The following ZFAND3 variants were observed in gnomAD, a reference collection of about 807,000 sequenced individuals.
ZFAND3 encodes zinc finger AN1-type containing 3, also known as AN1-type zinc finger protein 3.
A neutral mutation model predicts 29.6 loss-of-function variants in ZFAND3; 10 were observed. The observed-to-expected ratio is 0.34, with a 90% CI of 0.21 to 0.57. ZFAND3 has a LOEUF of 0.57. ZFAND3 is among the 20% of genes least tolerant of loss of function. The pLI, the probability that ZFAND3 is intolerant of heterozygous loss-of-function variation, is 0.86. For synonymous variants in ZFAND3, 128 were observed against 112.6 expected (o/e 1.14, Z -0.87); for missense variants, 230 against 304.5 (o/e 0.76, Z 1.82).
chr6:38,097,161 G>T (rs1764997587), intron 4 of ZFAND3, among the ~76,000 whole-genome samples: 1 of 151,844 alleles, frequency 6.6e-6, no homozygotes, highest in African/African-American at 2.4e-5. Flanking sequence ...CTGCAGCCTT[G>T]ACCTCCTGGG....
chr6:37,956,129 A>C (rs1762082702), intron 2 of ZFAND3, among the ~76,000 whole-genome samples: 1 of 152,198 alleles, frequency 6.6e-6, no homozygotes, highest in South Asian at 2.1e-4. Flanking sequence ...CGTTAAGATG[A>C]GGTCCTTGCA....
intron 2 of ZFAND3, among the ~76,000 whole-genome samples, chr6:37,932,358 A>G (rs1175989706): frequency 6.6e-6 from 1 of 152,230 alleles, no homozygotes; most frequent in East Asian, 1.9e-4. Context: ...CACTGATGAA[A>G]GGTTAACTTT....
intron 1 of ZFAND3, among the ~76,000 whole-genome samples, chr6:37,822,125 G>A (rs1381986410): frequency 6.6e-6 from 1 of 152,200 alleles, no homozygotes; most frequent in Non-Finnish European, 1.5e-5. Context: ...ATGAGCCACC[G>A]CGCCCGGCCA....
chr6:37,860,655 T>TG (rs1554149734), intron 1 of ZFAND3, among the ~76,000 whole-genome samples: 15,573 of 144,084 alleles, frequency 0.11, 1,103 homozygotes, highest in African/African-American at 0.25. Context: ...TTTTTTTTTT[T>TG]TTAAGTAGGT....
intron 5 of ZFAND3, among the ~76,000 whole-genome samples, chr6:38,128,761 T>C (rs1042428360): frequency 1.1e-4 from 16 of 152,334 alleles, no homozygotes; most frequent in Admixed American, 2.0e-4. Flanking sequence ...GCATTTGGGT[T>C]GGTTCTACGT....
At chr6:37,848,992 A>C (rs564969633) in intron 1 of ZFAND3, among the ~76,000 whole-genome samples, 1 of 152,254 alleles carries the variant, frequency 6.6e-6, no homozygotes, top group East Asian at 1.9e-4. Context: ...TTTTCTGTGG[A>C]AGGGGAATTT....
chr6:37,911,157 C>A (rs945790480), intron 1 of ZFAND3, among the ~76,000 whole-genome samples: 2 of 152,146 alleles, frequency 1.3e-5, no homozygotes, highest in Non-Finnish European at 2.9e-5. Context: ...GAGTAGTATA[C>A]AAGGGTTCCC....
intron 4 of ZFAND3, among the ~76,000 whole-genome samples, chr6:38,087,735 T>C (rs183199759): frequency 6.6e-6 from 1 of 152,224 alleles, no homozygotes; most frequent in Non-Finnish European, 1.5e-5. Context: ...TTGTACACTG[T>C]TGGTGGGAAT....
intron 1 of ZFAND3, among the ~76,000 whole-genome samples, chr6:37,894,679 T>TC (rs1765166273): frequency 6.6e-6 from 1 of 152,174 alleles, no homozygotes; most frequent in African/African-American, 2.4e-5. Context: ...GCTTTAATAT[T>TC]TCTTGTGGTG....
intron 1 of ZFAND3, among the ~76,000 whole-genome samples, chr6:37,907,151 C>A (rs1019591145): frequency 1.3e-5 from 2 of 152,080 alleles, no homozygotes. Context: ...AACAAATTAT[C>A]AGATTTATTC....
At chr6:37,903,285 T>C (rs1349391168) in intron 1 of ZFAND3, among the ~76,000 whole-genome samples, 2 of 152,202 alleles carry the variant, frequency 1.3e-5, no homozygotes, top group Non-Finnish European at 2.9e-5. Flanking sequence ...CAACAAAATA[T>C]ATAGGAATAT....
chr6:37,866,106 T>TA (rs1297445000), intron 1 of ZFAND3, among the ~76,000 whole-genome samples: 7 of 152,166 alleles, frequency 4.6e-5, no homozygotes, highest in Non-Finnish European at 8.8e-5. Context: ...CTGCTAGATG[T>TA]GAGCTGCCCC....
chr6:37,977,657 T>A (rs190175247), intron 2 of ZFAND3, among the ~76,000 whole-genome samples: 10 of 152,158 alleles, frequency 6.6e-5, no homozygotes, highest in African/African-American at 2.2e-4. Flanking sequence ...CTGTTGCTGA[T>A]CTAAGAGGGC....
intron 2 of ZFAND3, among the ~76,000 whole-genome samples, chr6:37,946,257 A>T (rs1339194948): frequency 6.6e-6 from 1 of 152,162 alleles, no homozygotes; most frequent in Non-Finnish European, 1.5e-5. Context: ...TATGTGACTG[A>T]ATGGAGGCTA....
At chr6:37,882,356 T>C (rs1288340102) in intron 1 of ZFAND3, among the ~76,000 whole-genome samples, 1 of 152,202 alleles carries the variant, frequency 6.6e-6, no homozygotes, top group African/African-American at 2.4e-5. Flanking sequence ...AAGCATGATA[T>C]AGCCGCCCCC....
At chr6:38,040,858 A>G (rs1561976235) in intron 2 of ZFAND3, among the ~76,000 whole-genome samples, 2 of 152,230 alleles carry the variant, frequency 1.3e-5, no homozygotes, top group Non-Finnish European at 2.9e-5. Context: ...TAGGAAATCT[A>G]ATATTGATAA....
At chr6:38,021,170 A>G (rs894886535) in intron 2 of ZFAND3, among the ~76,000 whole-genome samples, 13 of 152,208 alleles carry the variant, frequency 8.5e-5, no homozygotes, top group African/African-American at 3.1e-4. Flanking sequence ...AGTTGTATAT[A>G]GCACCCTGCT....
chr6:37,823,665 A>AC (rs1439553834), intron 1 of ZFAND3, among the ~76,000 whole-genome samples: 4 of 152,218 alleles, frequency 2.6e-5, no homozygotes, highest in African/African-American at 9.6e-5. Flanking sequence ...TAAATTGTGT[A>AC]CAGGTAATTA....
chr6:37,942,063 T>C (rs1421587297), intron 2 of ZFAND3, among the ~76,000 whole-genome samples: 1 of 152,176 alleles, frequency 6.6e-6, no homozygotes, highest in African/African-American at 2.4e-5. Context: ...ATCCTGTGTT[T>C]TTTAATCCAA....
Sources: allele counts gnomAD v4.1 joint callset (sites outside exome capture counted in the v4.1 genomes callset), GRCh38; gene constraint gnomAD v4.1.1; transcripts MANE v1.5; gene names NCBI Gene and HGNC (gene_info 2026-07-23, HGNC 2026-07-21).